Variants in RGS6 observed in about 807,000 individuals in gnomAD.
RGS6 encodes the protein regulator of G-protein signaling 6.
Under a neutral mutation model 78.5 loss-of-function variants are expected in RGS6, and 30 were observed. The ratio of observed to expected loss-of-function variants is 0.38; its 90% confidence interval spans 0.29 to 0.52. RGS6 has a LOEUF of 0.52. RGS6 is among the 20% of genes least tolerant of loss of function. The pLI, the probability that RGS6 is intolerant of heterozygous loss-of-function variation, is 0.85. For synonymous variants in RGS6, 206 were observed against 206.0 expected (o/e 1.00, Z 0.00); for missense variants, 495 against 609.7 (o/e 0.81, Z 1.98).
chr14:72,626,738 T>C, the RGS6 span, among the ~76,000 whole-genome samples: 1 of 152,140 alleles, frequency 6.6e-6, no homozygotes, highest in East Asian at 1.9e-4. Context: ...ATATTAGCTC[T>C]GTTAGGTATT....
intron 3 of RGS6, among the ~76,000 whole-genome samples, chr14:72,422,092 C>G (rs1251201538): frequency 6.6e-6 from 1 of 152,140 alleles, no homozygotes; most frequent in Non-Finnish European, 1.5e-5. Context: ...GGGAGGTTCC[C>G]CTGCACAAGC....
At chr14:72,270,268 C>CATGCCT (rs1290195168) in intron 2 of RGS6, among the ~76,000 whole-genome samples, 1 of 28,090 alleles carries the variant, frequency 3.6e-5, no homozygotes, top group Non-Finnish European at 8.5e-5. Context: ...AAACGAGGTT[C>CATGCCT]ATGCCCACAG....
chr14:72,367,177 G>A (rs1221385327), intron 3 of RGS6, among the ~76,000 whole-genome samples: 1 of 152,164 alleles, frequency 6.6e-6, no homozygotes, highest in Non-Finnish European at 1.5e-5. Context: ...CTCTTGGATT[G>A]CAGCAGTTTC....
chr14:72,561,720 G>A (rs1408062823), intron 17 of RGS6, among the ~76,000 whole-genome samples: 2 of 152,206 alleles, frequency 1.3e-5, no homozygotes, highest in African/African-American at 2.4e-5. Flanking sequence ...GGTTATAGTT[G>A]AAGGGCTTGT....
intron 2 of RGS6, among the ~76,000 whole-genome samples, chr14:71,991,344 T>C (rs1241834828): frequency 1.3e-5 from 2 of 152,128 alleles, no homozygotes; most frequent in Non-Finnish European, 2.9e-5. Flanking sequence ...CTTCCCTCTC[T>C]CCTCATCTTC....
chr14:72,180,427 C>G (rs1230166553), intron 2 of RGS6, among the ~76,000 whole-genome samples: 2 of 152,206 alleles, frequency 1.3e-5, no homozygotes, highest in Non-Finnish European at 2.9e-5. Context: ...TTATACAAGA[C>G]AGATGAAGGC....
At chr14:72,382,518 T>C (rs1213056372) in intron 3 of RGS6, among the ~76,000 whole-genome samples, 1 of 152,188 alleles carries the variant, frequency 6.6e-6, no homozygotes, top group African/African-American at 2.4e-5. Context: ...GCAAACCACA[T>C]TGGAAAACGT....
chr14:72,173,414 C>T (rs1173177942), intron 2 of RGS6, among the ~76,000 whole-genome samples: 2 of 152,132 alleles, frequency 1.3e-5, no homozygotes, highest in Non-Finnish European at 2.9e-5. Context: ...CTTTTTCTGG[C>T]CCATGAGAGC....
rs2087977252 is a variant in RGS6 at position 71,932,487 on chromosome 14, TCCGCCTGGGCG to T, written c.-470_-460del. On this transcript the variant is annotated 5_prime_UTR_variant, in exon 1 of 18. Coordinates refer to ENST00000553525, the MANE Select transcript of RGS6 (RefSeq NM_001204424.2). The stretch of plus-strand genomic sequence containing the variant: ...CTCGGCCCTGCTCGGCGGCGAGAGC[TCCGCCTGGGCG>T]CCGCGTTCCTACAGCCGCCGGAGCC... The T allele has an allele frequency of 1.3e-5, 2 of 151,670 alleles. No individual in the cohort carries two copies. Among genetic ancestry groups the T allele is most frequent in the Non-Finnish European group, 2.9e-5 (2 of 67,866 alleles). The allele number at this position is 151,670 out of a possible 1,614,324, so 9.4% of individuals were successfully genotyped here.
intron 2 of RGS6, among the ~76,000 whole-genome samples, chr14:72,173,321 C>T (rs2097053944): frequency 6.6e-6 from 1 of 152,104 alleles, no homozygotes; most frequent in South Asian, 2.1e-4. Context: ...GGATAAACCT[C>T]TAGAACCACA....
At chr14:72,107,773 A>G (rs2095664610) in intron 2 of RGS6, among the ~76,000 whole-genome samples, 1 of 152,248 alleles carries the variant, frequency 6.6e-6, no homozygotes, top group East Asian at 1.9e-4. Flanking sequence ...CTGCCCAAAC[A>G]ATCTTGATTC....
intron 3 of RGS6, among the ~76,000 whole-genome samples, chr14:72,425,804 A>G (rs146833437): frequency 0.014 from 2,184 of 152,300 alleles, 58 homozygotes; most frequent in African/African-American, 0.05. Context: ...TCTTAAGGAA[A>G]TTATAGGAGG....
chr14:72,482,131 G>T (rs1311720828), intron 12 of RGS6, among the ~76,000 whole-genome samples: 2 of 152,034 alleles, frequency 1.3e-5, no homozygotes, highest in Non-Finnish European at 2.9e-5. Flanking sequence ...TTTTTTAATG[G>T]CAGTGTTTCT....
At chr14:72,523,769 T>C (rs1362415714) in intron 15 of RGS6, among the ~76,000 whole-genome samples, 1 of 152,214 alleles carries the variant, frequency 6.6e-6, no homozygotes, top group Admixed American at 6.5e-5. Context: ...CTCAGCTGTT[T>C]GCTGTGTTGT....
At chr14:72,095,021 G>A (rs1056805714) in intron 2 of RGS6, among the ~76,000 whole-genome samples, 2 of 151,968 alleles carry the variant, frequency 1.3e-5, no homozygotes, top group Non-Finnish European at 2.9e-5. Context: ...CTGAGTAGTT[G>A]GCTCTTCCTT....
At chr14:72,537,766 A>G (rs2097269877) in intron 16 of RGS6, 1 of 572,676 alleles carries the variant, frequency 1.7e-6, no homozygotes. Context: ...ATCTGATCAC[A>G]GTTTGGTGAC....
intron 2 of RGS6, among the ~76,000 whole-genome samples, chr14:72,350,506 C>T (rs1426399974): frequency 6.6e-6 from 1 of 152,164 alleles, no homozygotes; most frequent in Non-Finnish European, 1.5e-5. Flanking sequence ...GCTATGTGAC[C>T]AGTTCTGGCC....
intron 2 of RGS6, among the ~76,000 whole-genome samples, chr14:72,328,742 G>A (rs1357700079): frequency 6.6e-6 from 1 of 152,070 alleles, no homozygotes; most frequent in African/African-American, 2.4e-5. Flanking sequence ...AGACGAAATG[G>A]GTGTGAGATT....
chr14:72,450,499 G>A lies in RGS6; in HGVS notation c.185-4029G>A, dbSNP rs544886555. ...TCTGGTGTATATCCTGGATATCCCT[G>A]GAATATATATTGATAAATCAGCCTC... On this transcript the variant is annotated intron_variant, in intron 3 of 17. Coordinates refer to ENST00000553525, the MANE Select transcript of RGS6 (RefSeq NM_001204424.2). 6.6e-5 allele frequency among the ~76,000 whole-genome samples: 10 copies of A among 152,258 alleles called. No individual in the cohort carries two copies. In the South Asian group the frequency reaches 1.2e-3, roughly 19 times the overall value.
Sources: allele counts gnomAD v4.1 joint callset (sites outside exome capture counted in the v4.1 genomes callset), GRCh38; gene constraint gnomAD v4.1.1; transcripts MANE v1.5; gene names NCBI Gene and HGNC (gene_info 2026-07-23, HGNC 2026-07-21).